Variants in ACP3 observed in about 807,000 individuals in gnomAD.
ACP3 encodes the protein acid phosphatase 3.
A neutral mutation model predicts 45.6 loss-of-function variants in ACP3; 38 were observed. The observed-to-expected ratio is 0.83, with a 90% CI of 0.64 to 1.09. ACP3 has a LOEUF of 1.09. Among genes scored for constraint, ACP3 ranks in the 50% least tolerant of loss-of-function variants. ACP3 has a pLI of 0.00. For missense variants in ACP3, 466 were observed against 463.2 expected, an observed-to-expected ratio of 1.01 and a Z score of -0.05; for synonymous variants, 162 against 164.7, an observed-to-expected ratio of 0.98 and a Z score of 0.13.
At chr3:132,318,139 T>C (rs943763774) in intron 1 of ACP3, among the ~76,000 whole-genome samples, 2 of 152,176 alleles carry the variant, frequency 1.3e-5, no homozygotes, top group East Asian at 1.9e-4. Flanking sequence ...TGACCAGTTA[T>C]GAAAAAAGGT....
intron 7 of ACP3, among the ~76,000 whole-genome samples, chr3:132,346,344 A>G (rs1254569399): frequency 1.3e-5 from 2 of 152,242 alleles, no homozygotes; most frequent in Non-Finnish European, 2.9e-5. Context: ...AGATGAATAA[A>G]GTAGGTTGGG....
chr3:132,355,762 C>T (rs9847611), intron 9 of ACP3, among the ~76,000 whole-genome samples: 1,696 of 152,250 alleles, frequency 0.011, 21 homozygotes, highest in African/African-American at 0.038. Context: ...GTGATCCACC[C>T]GCCTCGACCT....
intron 10 of ACP3, among the ~76,000 whole-genome samples, chr3:132,366,830 T>C (rs1938139742): frequency 6.6e-6 from 1 of 152,218 alleles, no homozygotes; most frequent in South Asian, 2.1e-4. Flanking sequence ...TGCTTAACCA[T>C]AACCAGATTA....
At position 132,358,053 on chromosome 3, in the gene ACP3, A is replaced by C. The variant is rs1401139590; in HGVS notation, c.*1175A>C. On this transcript the variant is annotated 3_prime_UTR_variant, in exon 10 of 10. Transcript: ENST00000336375. ...TGTCTCAATAAATAAATAAATAAAT[A>C]AATAAATAAATAAATAAATAAATAA... 6.7e-6 allele frequency: 1 copy of C among 149,070 alleles called. No homozygotes were observed. Among genetic ancestry groups the C allele is most frequent in the Non-Finnish European group, 1.5e-5 (1 of 68,784 alleles). 9.2% of individuals were successfully genotyped at this position (149,070 alleles called of 1,614,324 possible). A position where few individuals can be genotyped will look rare whatever the true frequency, so the allele number is the denominator to read the frequency against.
intron 10 of ACP3, among the ~76,000 whole-genome samples, chr3:132,365,431 G>T (rs554635128): frequency 1.3e-5 from 2 of 152,292 alleles, no homozygotes; most frequent in South Asian, 4.2e-4. Flanking sequence ...GTATAGCAAA[G>T]TCACTAAGGC....
At chr3:132,345,153 G>C in intron 7 of ACP3, 94 bp downstream of exon 7, 1 of 1,174,502 alleles carries the variant, frequency 8.5e-7, no homozygotes, top group Non-Finnish European at 1.2e-6. Context: ...TGTGATCTCA[G>C]ACAGTTCACT....
rs2107820130 is a variant in ACP3, at chr3:132,358,036, T to TAAAC, written c.*1161_*1162insCAAA. On this transcript the variant is annotated 3_prime_UTR_variant, in exon 10 of 10. Transcript: ENST00000336375. ...GCAAGAGAGCGAGACCCTGTCTCAA[T>TAAAC]AAATAAATAAATAAATAAATAAATA... 1 of 84,490 alleles carries TAAAC rather than the reference T, an allele frequency of 1.2e-5. No individual in the cohort carries two copies. The allele number at this position is 84,490 out of a possible 1,614,324, so 5.2% of individuals were successfully genotyped here.
intron 1 of ACP3, among the ~76,000 whole-genome samples, chr3:132,326,114 C>T (rs910692348): frequency 5.9e-5 from 9 of 152,074 alleles, no homozygotes; most frequent in South Asian, 2.1e-4. Context: ...AGAAAATGTG[C>T]CTTTTTCAGT....
intron 5 of ACP3, among the ~76,000 whole-genome samples, chr3:132,340,176 G>A (rs772843109): frequency 1.1e-4 from 17 of 151,994 alleles, no homozygotes; most frequent in Non-Finnish European, 1.0e-4. Context: ...TTAGCCAGGC[G>A]TGGTGGCAGG....
chr3:132,341,333 C>T (rs182643662), intron 5 of ACP3, among the ~76,000 whole-genome samples: 1 of 151,898 alleles, frequency 6.6e-6, no homozygotes, highest in African/African-American at 2.4e-5. Flanking sequence ...TTTTTTAAAT[C>T]AATATTAGTT....
chr3:132,355,097 C>T (rs190788643), intron 9 of ACP3, among the ~76,000 whole-genome samples: 29 of 152,356 alleles, frequency 1.9e-4, no homozygotes, highest in African/African-American at 7.0e-4. Flanking sequence ...AGGGTTCCCT[C>T]TTTGGACCTA....
downstream of ACP3, among the ~76,000 whole-genome samples, chr3:132,359,241 G>A (rs1937987225): frequency 6.6e-6 from 1 of 152,208 alleles, no homozygotes; most frequent in Admixed American, 6.5e-5. Context: ...GGCCAGGCGA[G>A]GTGGCTCAGG....
chr3:132,358,228 C>T lies in ACP3; in HGVS notation c.*1350C>T. The stretch of plus-strand genomic sequence containing the variant: ...TCAACATAGTGAGACACTGTCTCTA[C>T]CAAAAAAAGGAAGGAAGGGACACAT... On this transcript the variant is annotated 3_prime_UTR_variant, in exon 10 of 10. Transcript: ENST00000336375. The T allele has an allele frequency of 1.8e-6, 2 of 1,113,082 alleles. No individual in the cohort carries two copies. Among genetic ancestry groups the T allele is most frequent in the South Asian group, 4.4e-5 (2 of 45,860 alleles). The allele number at this position is 1,113,082 out of a possible 1,614,324, so 69.0% of individuals were successfully genotyped here. A position where few individuals can be genotyped will look rare whatever the true frequency, so the allele number is the denominator to read the frequency against.
chr3:132,332,041 C>T, intron 3 of ACP3, 151 bp from the exon 4 acceptor site: 6 of 954,992 alleles, frequency 6.3e-6, no homozygotes, highest in Non-Finnish European at 9.3e-6. Context: ...ATTGCTCATT[C>T]CTTAACAAGT....
rs1182178817 is a variant in ACP3 at position 132,358,127 on chromosome 3, C to T, written c.*1249C>T. Reference sequence around the variant, plus strand: ...AGTATAGGCCAGGCACAGTGGCTCACACCTGTAATCCTTGCATTTTGGAAG... The same window carrying T: ...AGTATAGGCCAGGCACAGTGGCTCATACCTGTAATCCTTGCATTTTGGAAG... On this transcript the variant is annotated 3_prime_UTR_variant, in exon 10 of 10. Transcript: ENST00000336375. 2 of 333,412 alleles carry T rather than the reference C, an allele frequency of 6.0e-6. No individual in the cohort carries two copies. Among genetic ancestry groups the T allele is most frequent in the Non-Finnish European group, 8.5e-6 (2 of 234,304 alleles). The allele number at this position is 333,412 out of a possible 1,614,324, so 20.7% of individuals were successfully genotyped here. A position where few individuals can be genotyped will look rare whatever the true frequency, so the allele number is the denominator to read the frequency against.
At chr3:132,324,626 AATT>A (rs140286096) in intron 1 of ACP3, among the ~76,000 whole-genome samples, 3,181 of 151,846 alleles carry the variant, frequency 0.021, 135 homozygotes, top group African/African-American at 0.073. Context: ...AAATGTAAGG[AATT>A]ATTATTTTTT....
Position 132,320,422 on chromosome 3 carries a change from T to C in ACP3, c.120+2846T>C, listed in dbSNP as rs73862315. Among the ~76,000 whole-genome samples, 885 of 152,290 alleles carry C rather than the reference T, an allele frequency of 5.8e-3. 14 individuals are homozygous for C. Among genetic ancestry groups the C allele is most frequent in the African/African-American group, 0.02 (842 of 41,562 alleles). ...ACACACCCACTTGAGTTTTTTAAGT[T>C]ATTTCATGCACCATATCATCCAGAA... On this transcript the variant is annotated intron_variant, in intron 1 of 9. Transcript: ENST00000336375.
chr3:132,344,009 A>T (rs1465733292), intron 6 of ACP3, among the ~76,000 whole-genome samples: 1 of 152,144 alleles, frequency 6.6e-6, no homozygotes, highest in Admixed American at 6.5e-5. Flanking sequence ...GGCCAGGTGT[A>T]GTGGCTCATG....
At chr3:132,325,907 A>G (rs1203611286) in intron 1 of ACP3, among the ~76,000 whole-genome samples, 1 of 152,254 alleles carries the variant, frequency 6.6e-6, no homozygotes, top group Non-Finnish European at 1.5e-5. Context: ...GGAACTGATG[A>G]GAAGATTACA....
Sources: allele counts gnomAD v4.1 joint callset (sites outside exome capture counted in the v4.1 genomes callset), GRCh38; gene constraint gnomAD v4.1.1; transcripts MANE v1.5; gene names NCBI Gene and HGNC (gene_info 2026-07-23, HGNC 2026-07-21).